Variants in SCHIP1 observed in about 807,000 individuals in gnomAD.
The protein encoded by SCHIP1 is schwannomin-interacting protein 1.
SCHIP1 carries 8 observed loss-of-function variants against 29.7 expected under a neutral mutation model. That is an observed-to-expected ratio of 0.27 (90% CI 0.16 to 0.49). SCHIP1 has a LOEUF of 0.49. Among genes scored for constraint, SCHIP1 ranks in the 20% least tolerant of loss-of-function variants. The pLI is 0.99. For missense variants in SCHIP1, 193 were observed against 294.6 expected, an observed-to-expected ratio of 0.66 and a Z score of 2.52; for synonymous variants, 76 against 94.9, an observed-to-expected ratio of 0.80 and a Z score of 1.16.
At chr3:159,408,142 C>A in the SCHIP1 span, among the ~76,000 whole-genome samples, 4 of 151,834 alleles carry the variant, frequency 2.6e-5, no homozygotes, top group East Asian at 1.9e-4. Flanking sequence ...ACTAAAAATA[C>A]AAAAAATTAG....
chr3:159,742,950 G>C, the SCHIP1 span, among the ~76,000 whole-genome samples: 1 of 149,458 alleles, frequency 6.7e-6, no homozygotes, highest in East Asian at 2.0e-4. Flanking sequence ...GCCTCCCAAA[G>C]TGCTGGGATT....
At chr3:159,540,548 C>T in the SCHIP1 span, among the ~76,000 whole-genome samples, 1 of 152,088 alleles carries the variant, frequency 6.6e-6, no homozygotes, top group African/African-American at 2.4e-5. Flanking sequence ...TTCAGAAACA[C>T]AGATAGCCTT....
chr3:159,633,569 T>C, the SCHIP1 span, among the ~76,000 whole-genome samples: 4 of 152,128 alleles, frequency 2.6e-5, no homozygotes, highest in Non-Finnish European at 4.4e-5. Flanking sequence ...GACTCTTCAA[T>C]AGCAACACTG....
the SCHIP1 span, among the ~76,000 whole-genome samples, chr3:159,311,017 T>C: frequency 6.6e-6 from 1 of 152,142 alleles, no homozygotes. Flanking sequence ...TATCATATGA[T>C]AGTTTTTATG....
chr3:159,783,743 A>G, the SCHIP1 span, among the ~76,000 whole-genome samples: 3 of 152,158 alleles, frequency 2.0e-5, no homozygotes, highest in African/African-American at 7.2e-5. Flanking sequence ...GAACTTCTTG[A>G]GTATTTTGGT....
At chr3:159,498,097 T>C in the SCHIP1 span, among the ~76,000 whole-genome samples, 4 of 152,212 alleles carry the variant, frequency 2.6e-5, no homozygotes, top group Admixed American at 1.3e-4. Context: ...GAGCAATAAA[T>C]AATTGTCAAA....
chr3:159,586,984 C>T, the SCHIP1 span, among the ~76,000 whole-genome samples: 1 of 152,130 alleles, frequency 6.6e-6, no homozygotes, highest in South Asian at 2.1e-4. Flanking sequence ...GAGGAAGCTT[C>T]TCTCCACACC....
At chr3:159,672,664 C>T in the SCHIP1 span, among the ~76,000 whole-genome samples, 12 of 152,032 alleles carry the variant, frequency 7.9e-5, no homozygotes, top group Non-Finnish European at 1.5e-4. Context: ...AGCCCCTCAC[C>T]TCACAAAAAC....
the SCHIP1 span, among the ~76,000 whole-genome samples, chr3:159,482,104 T>G: frequency 6.6e-6 from 1 of 152,152 alleles, no homozygotes; most frequent in Non-Finnish European, 1.5e-5. Flanking sequence ...TGTCAGGCAT[T>G]GTGCACAGTG....
At chr3:159,570,119 T>C in the SCHIP1 span, among the ~76,000 whole-genome samples, 1 of 152,230 alleles carries the variant, frequency 6.6e-6, no homozygotes, top group Non-Finnish European at 1.5e-5. Flanking sequence ...TGGTAGTTTC[T>C]TTTGCTGTGC....
the SCHIP1 span, among the ~76,000 whole-genome samples, chr3:159,474,954 A>G: frequency 0.68 from 102,646 of 152,046 alleles, 35,916 homozygotes; most frequent in African/African-American, 0.87. Context: ...ACAAGTATTG[A>G]TAAACACGTA....
chr3:159,405,428 C>T, the SCHIP1 span, among the ~76,000 whole-genome samples: 1 of 152,176 alleles, frequency 6.6e-6, no homozygotes, highest in South Asian at 2.1e-4. Context: ...AATTCTATCA[C>T]ATAAATGTAA....
At chr3:159,783,484 A>G in the SCHIP1 span, among the ~76,000 whole-genome samples, 1 of 152,218 alleles carries the variant, frequency 6.6e-6, no homozygotes, top group African/African-American at 2.4e-5. Flanking sequence ...TCTGCACTTC[A>G]TTTGTGGAAC....
At chr3:159,626,210 A>C in the SCHIP1 span, among the ~76,000 whole-genome samples, 177 of 122,024 alleles carry the variant, frequency 1.5e-3, 9 homozygotes, top group African/African-American at 8.2e-3. Flanking sequence ...ATAGATAGAT[A>C]TATCTAGATA....
At chr3:159,702,857 A>G in the SCHIP1 span, among the ~76,000 whole-genome samples, 1 of 152,240 alleles carries the variant, frequency 6.6e-6, no homozygotes, top group Non-Finnish European at 1.5e-5. Context: ...TGAAAGGGCT[A>G]TTTTCAAGAC....
the SCHIP1 span, among the ~76,000 whole-genome samples, chr3:159,400,479 A>T: frequency 6.6e-6 from 1 of 152,188 alleles, no homozygotes; most frequent in Admixed American, 6.5e-5. Flanking sequence ...AATCTGTAAA[A>T]TTGTATTATT....
At chr3:159,651,220 G>T in the SCHIP1 span, among the ~76,000 whole-genome samples, 3 of 152,164 alleles carry the variant, frequency 2.0e-5, no homozygotes, top group Non-Finnish European at 4.4e-5. Context: ...GAAATGAGTA[G>T]AATTAGAGGA....
chr3:159,533,771 G>C, the SCHIP1 span, among the ~76,000 whole-genome samples: 1 of 152,180 alleles, frequency 6.6e-6, no homozygotes, highest in East Asian at 1.9e-4. Flanking sequence ...GTGGTTTTCA[G>C]TAAGCATAGT....
At chr3:159,495,717 A>G in the SCHIP1 span, among the ~76,000 whole-genome samples, 1 of 152,208 alleles carries the variant, frequency 6.6e-6, no homozygotes, top group East Asian at 1.9e-4. Flanking sequence ...CATCCCTATC[A>G]AGCTACCAAT....
Sources: allele counts gnomAD v4.1 joint callset (sites outside exome capture counted in the v4.1 genomes callset), GRCh38; gene constraint gnomAD v4.1.1; transcripts MANE v1.5; gene names NCBI Gene and HGNC (gene_info 2026-07-23, HGNC 2026-07-21).